The following GCN1 variants were observed in gnomAD, a reference collection of about 807,000 sequenced individuals.
GCN1 encodes stalled ribosome sensor GCN1.
A neutral mutation model predicts 288.4 loss-of-function variants in GCN1; 90 were observed. The observed-to-expected ratio is 0.31, with a 90% CI of 0.26 to 0.37. The LOEUF (loss-of-function observed/expected upper bound fraction) is 0.37. GCN1 is among the 10% of genes least tolerant of loss of function. The pLI is 1.00. For synonymous variants in GCN1, 1,386 were observed against 1,420.2 expected, an observed-to-expected ratio of 0.98 and a Z score of 0.54; for missense variants, 2,586 against 3,419.9, an observed-to-expected ratio of 0.76 and a Z score of 6.08.
At chr12:120,150,809 C>T (rs1425019440) in intron 34 of GCN1, among the ~76,000 whole-genome samples, 9 of 151,782 alleles carry the variant, frequency 5.9e-5, no homozygotes, top group South Asian at 2.1e-4. Context: ...TGGTGGCGGG[C>T]GCCTGTGGTC....
At chr12:120,140,461 C>T (rs753803718) in intron 45 of GCN1, among the ~76,000 whole-genome samples, 1 of 152,162 alleles carries the variant, frequency 6.6e-6, no homozygotes, top group Non-Finnish European at 1.5e-5. Flanking sequence ...GTGCACACCC[C>T]CTCCCGCACC....
intron 14 of GCN1, among the ~76,000 whole-genome samples, chr12:120,172,224 T>C (rs1410739915): frequency 1.3e-5 from 2 of 152,216 alleles, no homozygotes; most frequent in Non-Finnish European, 1.5e-5. Context: ...GCTGAAAATG[T>C]ATTGAGCGTA....
rs1356071306 is a variant in GCN1 at position 120,147,016 on chromosome 12, T to A, written c.4947+36A>T. On this transcript the variant is annotated intron_variant, in intron 38 of 57. Coordinates refer to ENST00000300648, the MANE Select transcript of GCN1 (RefSeq NM_006836.2). ...TCTGACTCTGCACTCAAACATCTTCTGGTCTATCCCACACTAGCCTCAGCT... is the reference window on the plus strand; with the variant it reads ...TCTGACTCTGCACTCAAACATCTTCAGGTCTATCCCACACTAGCCTCAGCT... The A allele has an allele frequency of 5.4e-6, 7 of 1,302,114 alleles. No homozygotes were observed. The Admixed American group carries it at 9.9e-5, about 18-fold the overall frequency. 80.7% of individuals were successfully genotyped at this position (1,302,114 alleles called of 1,614,324 possible). A position where few individuals can be genotyped will look rare whatever the true frequency, so the allele number is the denominator to read the frequency against.
Position 120,136,665 on chromosome 12 carries a change from T to A in GCN1, c.6845A>T (p.Glu2282Val), listed in dbSNP as rs1260719022. The stretch of plus-strand genomic sequence containing the variant: ...TACCAAGCCTAAGGCTTTGGCTGCC[T>A]CCTCCTTCTGCTCAGGGCTGCCAGT... ...VLTGSPEQKE[E>V]AAKALGLVIR... Residue 2282 changes from glutamate (E) to valine (V), a missense_variant, in exon 51 of 58, where the codon GAG becomes GTG. Around this residue, in one of 8 missense-constraint regions of GCN1, gnomAD observed 437 missense variants for 570.5 expected, o/e 0.77. Transcript: ENST00000300648. The A allele has an allele frequency of 2.5e-6, 4 of 1,613,974 alleles. No homozygotes were observed.
In GCN1 at chr12:120,156,011, T is replaced by G. The variant is rs1446034310; in HGVS notation, c.3313-292A>C. Among the ~76,000 whole-genome samples, 1 of 152,258 alleles carries G rather than the reference T, an allele frequency of 6.6e-6. No homozygotes were observed. ...TAAGGAAAAATTTACTATATTGTCA[T>G]CATTTTCACATTTTACCAAAAGCCA... On this transcript the variant is annotated intron_variant, in intron 28 of 57. Coordinates refer to ENST00000300648, the MANE Select transcript of GCN1 (RefSeq NM_006836.2). This position sits in a 1 kb window ranked among gnomAD's most constrained non-coding sequence, Gnocchi z 5.8.
At chr12:120,150,995 G>A (rs1398481960) in intron 34 of GCN1, 150 bp downstream of exon 34, 12 of 811,486 alleles carry the variant, frequency 1.5e-5, no homozygotes, top group East Asian at 7.5e-5. Context: ...CAGCAAGGAC[G>A]CAGCTGGACT....
At position 120,133,234 on chromosome 12, in the gene GCN1, A is replaced by G. The variant is rs146536365; in HGVS notation, c.7317+1057T>C. On this transcript the variant is annotated intron_variant, in intron 53 of 57. Coordinates refer to ENST00000300648, the MANE Select transcript of GCN1 (RefSeq NM_006836.2). The stretch of plus-strand genomic sequence containing the variant: ...GTGTGTGTGTGTGTCAATGACGTGT[A>G]AAACCATGTGAGCCCAAAGGCCCTC... Among the ~76,000 whole-genome samples the G allele has an allele frequency of 6.6e-3, 1,002 of 152,234 alleles. 23 individuals carry two copies. Among genetic ancestry groups the G allele is most frequent in the African/African-American group, 0.023 (959 of 41,548 alleles).
rs769452059 is a variant in GCN1, at chr12:120,156,463, G to T, written c.3310C>A (p.Arg1104=). The part of the protein sequence containing the change: ...PCASVRETVL[R]GLMELHMVLP... ...TGGCTCTGAGACTGAGCACACACCC[G>T]GAGCACGGTTTCCCGCACGCTGGCA... is the stretch of plus-strand genomic sequence containing the variant. Residue 1104 remains arginine, a splice_region_variant and synonymous_variant, in exon 28 of 58, where the codon CGG becomes AGG. Coordinates refer to ENST00000300648, the MANE Select transcript of GCN1 (RefSeq NM_006836.2). The surrounding 1 kb of genome is among the most constrained non-coding windows in gnomAD (Gnocchi z 5.8). The T allele has an allele frequency of 2.5e-6, 4 of 1,613,454 alleles. No individual in the cohort carries two copies. In the South Asian group the frequency reaches 4.4e-5, roughly 18 times the overall value.
chr12:120,155,147 C>G lies in GCN1; in HGVS notation c.3630+94G>C. 3.9e-6 allele frequency: 6 copies of G among 1,519,588 alleles called. No individual in the cohort carries two copies. The highest frequency in any genetic ancestry group is 5.5e-6 in the Non-Finnish European group (6 of 1,094,834). The allele number at this position is 1,519,588 out of a possible 1,614,324, so 94.1% of individuals were successfully genotyped here. On this transcript the variant is annotated intron_variant, in intron 30 of 57. Coordinates refer to ENST00000300648, the MANE Select transcript of GCN1 (RefSeq NM_006836.2). The surrounding 1 kb of genome is among the most constrained non-coding windows in gnomAD (Gnocchi z 4.9). ...CGCAGCTACCCTGAGCCACCGTGAG[C>G]CCCGAGATTCCTGTCTGGAGCAGTA...
Position 120,175,185 on chromosome 12 carries a change from G to T in GCN1, c.1070C>A (p.Ala357Asp). Reference sequence around the variant, plus strand: ...ACCTGAGAGGACGCTCATCTTCTGGGCTACAACAGTTAGTTTTCCTTCCGA... The same window carrying T: ...ACCTGAGAGGACGCTCATCTTCTGGTCTACAACAGTTAGTTTTCCTTCCGA... ...GGSEGKLTVVAQKMSVLSGIG... is the reference protein window; with the variant it reads ...GGSEGKLTVVDQKMSVLSGIG... Residue 357 changes from alanine (A) to aspartate (D), a missense_variant, in exon 12 of 58, where the codon GCC (alanine) becomes GAC (aspartate). Transcript: ENST00000300648. The T allele has an allele frequency of 6.2e-7, 1 of 1,610,024 alleles. No individual in the cohort carries two copies. The highest frequency in any genetic ancestry group is 8.5e-7 in the Non-Finnish European group (1 of 1,177,424).
intron 45 of GCN1, among the ~76,000 whole-genome samples, chr12:120,140,611 G>C (rs920137647): frequency 2.0e-5 from 3 of 152,172 alleles, no homozygotes; most frequent in Non-Finnish European, 4.4e-5. Context: ...ATCATCTCCA[G>C]TTTCCAAAGG....
In GCN1 at chr12:120,134,689, T is replaced by C; in HGVS notation, c.7046A>G (p.Gln2349Arg). ...IALKPFLPQL[Q>R]TTFTKALQDS... ...CTGCAGGGCTTTGGTGAAAGTGGTC[T>C]GCAGCTGGGGCAGGAAGGGCTTCAG... Residue 2349 changes from glutamine to arginine, a missense_variant, in exon 52 of 58, where the codon CAG becomes CGG. Physicochemically the swap from Gln to Arg is conservative, Grantham distance 43 (BLOSUM62 1). Coordinates refer to ENST00000300648, the MANE Select transcript of GCN1 (RefSeq NM_006836.2). The surrounding 1 kb of genome is among the most constrained non-coding windows in gnomAD (Gnocchi z 5.0). The C allele has an allele frequency of 1.2e-6, 2 of 1,613,182 alleles. No individual in the cohort carries two copies. The highest frequency in any genetic ancestry group is 1.9e-4 in the Middle Eastern group (1 of 5,196).
chr12:120,171,029 T>C (rs1176815780), intron 14 of GCN1, among the ~76,000 whole-genome samples: 1 of 150,852 alleles, frequency 6.6e-6, no homozygotes, highest in East Asian at 1.9e-4. Context: ...TAATCCCAGC[T>C]ACTCAGGAGG....
At chr12:120,136,831 A>C in intron 50 of GCN1, 99 bp from the exon 51 acceptor site, 1 of 773,540 alleles carries the variant, frequency 1.3e-6, no homozygotes, top group Non-Finnish European at 2.2e-6. Flanking sequence ...CCTCCCCTCA[A>C]CTCCATGGGA....
rs750826965 is a variant in GCN1 at position 120,190,367 on chromosome 12, C to T, written c.52G>A (p.Val18Met). 3 of 1,609,838 alleles carry T rather than the reference C, an allele frequency of 1.9e-6. No homozygotes were observed. ...CGTTCCTTTACACTGGCTGTTGTCACCTTCCCTGCAAAACGCTTTAGTGTC... is the reference window on the plus strand; with the variant it reads ...CGTTCCTTTACACTGGCTGTTGTCATCTTCCCTGCAAAACGCTTTAGTGTC... Reference protein sequence around the residue: ...SETLKRFAGKVTTASVKERRE... With the variant: ...SETLKRFAGKMTTASVKERRE... The change falls in exon 2 of 58, where the codon GTG becomes ATG. Residue 18 changes from valine to methionine, a missense_variant. This residue lies in a region of GCN1 where 913 missense variants were observed against 1,107.0 expected (regional missense o/e 0.82). Coordinates refer to ENST00000300648, the MANE Select transcript of GCN1 (RefSeq NM_006836.2).
At chr12:120,129,128 C>T (rs1876725331) in intron 57 of GCN1, 148 bp downstream of exon 57, 3 of 713,992 alleles carry the variant, frequency 4.2e-6, no homozygotes, top group East Asian at 5.1e-5. Context: ...CGCGCCCGGC[C>T]CCAGTCACCC....
intron 14 of GCN1, among the ~76,000 whole-genome samples, chr12:120,173,436 T>G (rs1878372415): frequency 6.6e-6 from 1 of 152,244 alleles, no homozygotes; most frequent in Non-Finnish European, 1.5e-5. Flanking sequence ...AATAAAGCTT[T>G]GTACTTTGAA....
chr12:120,164,515 C>T lies in GCN1; in HGVS notation c.1689-20G>A, dbSNP rs1365096024. The T allele has an allele frequency of 1.2e-6, 2 of 1,612,284 alleles. No homozygotes were observed. The highest frequency in any genetic ancestry group is 1.7e-6 in the Non-Finnish European group (2 of 1,178,694). On this transcript the variant is annotated intron_variant, in intron 17 of 57. Coordinates refer to ENST00000300648, the MANE Select transcript of GCN1 (RefSeq NM_006836.2). The stretch of plus-strand genomic sequence containing the variant: ...TACTGCCTGCAAGCACAGGGACAGA[C>T]AGGTCTGGGGGAAGGCCAAGAGCAG...
intron 57 of GCN1, among the ~76,000 whole-genome samples, chr12:120,129,023 A>G (rs1876719462): frequency 6.6e-6 from 1 of 151,804 alleles, no homozygotes; most frequent in Non-Finnish European, 1.5e-5. Context: ...TATTTTTAGT[A>G]GAGACGGGGT....
Sources: gnomAD v4.1 joint callset for allele counts (sites outside exome capture counted in the v4.1 genomes callset) on GRCh38, gnomAD v4.1.1 for gene constraint, gnomAD v4.1.1 regional missense constraint, Gnocchi (gnomAD v3.1) non-coding constraint, MANE v1.5 for transcripts, NCBI Gene and HGNC (gene_info 2026-07-23, HGNC 2026-07-21) for gene names.